The following SOX6 variants were observed in gnomAD, a reference collection of about 807,000 sequenced individuals.
SOX6 encodes transcription factor SOX-6.
SOX6 carries 11 observed loss-of-function variants against 97.8 expected under a neutral mutation model. The ratio of observed to expected loss-of-function variants is 0.11; its 90% CI spans 0.07 to 0.19. The LOEUF (loss-of-function observed/expected upper bound fraction) is 0.19, where lower values mean the gene tolerates loss of function less well. Ranked by LOEUF, SOX6 falls within the 10% of genes least tolerant of loss-of-function variation. The probability of loss-of-function intolerance (pLI) is 1.00; values close to 1 mark genes in which losing one functional copy is unlikely to be tolerated. For missense variants in SOX6, 810 were observed against 1,039.5 expected, an observed-to-expected ratio of 0.78 and a Z score of 3.04; for synonymous variants, 360 against 371.4, an observed-to-expected ratio of 0.97 and a Z score of 0.35.
intron 1 of SOX6, among the ~76,000 whole-genome samples, chr11:16,349,177 G>C (rs1856843107): frequency 6.6e-6 from 1 of 152,112 alleles, no homozygotes; most frequent in Admixed American, 6.6e-5. Flanking sequence ...TCTTAGAAAA[G>C]TGATTTTATT....
At chr11:16,199,382 C>T (rs1851872789) in intron 4 of SOX6, among the ~76,000 whole-genome samples, 1 of 152,082 alleles carries the variant, frequency 6.6e-6, no homozygotes, top group Non-Finnish European at 1.5e-5. Context: ...TTCTCTACTG[C>T]AACAAACTTG....
chr11:16,734,344 GCTTCTAAATGGGCTT>G (rs1188605359), intron 2 of SOX6, among the ~76,000 whole-genome samples: 1 of 152,106 alleles, frequency 6.6e-6, no homozygotes. Context: ...TTTAAAATCA[GCTTCTAAATGGGCTT>G]CATCTCATAG....
At chr11:16,731,201 C>A (rs1424564109) in intron 2 of SOX6, among the ~76,000 whole-genome samples, 1 of 150,954 alleles carries the variant, frequency 6.6e-6, no homozygotes, top group Non-Finnish European at 1.5e-5. Context: ...CCTTCCGAAA[C>A]TATTCCAAAT....
intron 4 of SOX6, among the ~76,000 whole-genome samples, chr11:16,486,229 G>A (rs1174633309): frequency 2.0e-5 from 3 of 151,868 alleles, no homozygotes; most frequent in African/African-American, 7.3e-5. Context: ...ATAAACAGAA[G>A]GCAGCAAGAC....
At chr11:16,213,374 A>G (rs754346502) in intron 4 of SOX6, among the ~76,000 whole-genome samples, 30 of 152,016 alleles carry the variant, frequency 2.0e-4, no homozygotes, top group Non-Finnish European at 4.1e-4. Flanking sequence ...TGTCTGCCGC[A>G]CCCTGTCTTT....
At chr11:16,537,985 G>T (rs1369114342) in intron 4 of SOX6, among the ~76,000 whole-genome samples, 1 of 152,118 alleles carries the variant, frequency 6.6e-6, no homozygotes, top group Non-Finnish European at 1.5e-5. Flanking sequence ...ACACCACAAT[G>T]ATACTCCTCA....
intron 1 of SOX6, among the ~76,000 whole-genome samples, chr11:16,456,518 T>A (rs1376127387): frequency 6.6e-6 from 1 of 152,070 alleles, no homozygotes; most frequent in Non-Finnish European, 1.5e-5. Context: ...CAGTCTGTAG[T>A]GAAAGGAGCA....
At chr11:16,711,692 CT>C (rs927253835) in intron 3 of SOX6, among the ~76,000 whole-genome samples, 11 of 151,612 alleles carry the variant, frequency 7.3e-5, no homozygotes, top group African/African-American at 2.2e-4. Flanking sequence ...GATCATCTTT[CT>C]TTTTTTTTCT....
intron 1 of SOX6, among the ~76,000 whole-genome samples, chr11:16,457,858 G>C (rs564118925): frequency 1.3e-5 from 2 of 152,094 alleles, no homozygotes; most frequent in Non-Finnish European, 2.9e-5. Flanking sequence ...ATTGCATTTT[G>C]TAATGTTACC....
chr11:16,187,411 A>G (rs916769989), intron 4 of SOX6, among the ~76,000 whole-genome samples: 6 of 152,290 alleles, frequency 3.9e-5, no homozygotes, highest in Non-Finnish European at 8.8e-5. Flanking sequence ...TCTGATCCTT[A>G]CCCTCACAAA....
At chr11:16,081,342 T>C (rs1848468820) in intron 9 of SOX6, among the ~76,000 whole-genome samples, 1 of 152,114 alleles carries the variant, frequency 6.6e-6, no homozygotes, top group Non-Finnish European at 1.5e-5. Context: ...AAATCACCCT[T>C]GGCTCTTCAT....
In SOX6 at chr11:16,341,262, A is replaced by G. The variant is rs753332871; in HGVS notation, c.-4-10T>C. ...CTTGGAAGACATTCTTCTGCAGAAA[A>G]AAAACAGAACGGATTAAAAATGGCT... is the stretch of plus-strand genomic sequence containing the variant. On this transcript the variant is annotated splice_polypyrimidine_tract_variant and intron_variant, in intron 1 of 15. Transcript: ENST00000683767. 2 of 1,612,650 alleles carry G rather than the reference A, an allele frequency of 1.2e-6. No individual in the cohort carries two copies. Among genetic ancestry groups the G allele is most frequent in the South Asian group, 2.2e-5 (2 of 91,046 alleles).
chr11:16,565,709 T>TAAAA (rs1365268315), intron 4 of SOX6, among the ~76,000 whole-genome samples: 1 of 6,222 alleles, frequency 1.6e-4, no homozygotes, highest in African/African-American at 6.3e-4. Flanking sequence ...AATAAAAAAA[T>TAAAA]AAATAAATAA....
Position 16,588,063 on chromosome 11 carries a change from G to A in SOX6, n.609+24018C>T, listed in dbSNP as rs139376347. On this transcript the variant is annotated intron_variant and non_coding_transcript_variant, in intron 4 of 5. Transcript: ENST00000524520. ...AAATATACTCTATGAAAAGCTGTATGGAAAAGTGAAGGGAAGCAGCTAGAA... is the reference window on the plus strand; with the variant it reads ...AAATATACTCTATGAAAAGCTGTATAGAAAAGTGAAGGGAAGCAGCTAGAA... Among the ~76,000 whole-genome samples the A allele has an allele frequency of 7.0e-3, 1,060 of 152,288 alleles. 9 individuals are homozygous for A. Among genetic ancestry groups the A allele is most frequent in the African/African-American group, 0.024 (1,015 of 41,554 alleles).
At chr11:16,519,581 AT>A (rs1861025164) in intron 4 of SOX6, among the ~76,000 whole-genome samples, 1 of 151,954 alleles carries the variant, frequency 6.6e-6, no homozygotes, top group African/African-American at 2.4e-5. Flanking sequence ...TATACACCAC[AT>A]TTTCTTTATC....
intron 3 of SOX6, among the ~76,000 whole-genome samples, chr11:16,654,828 T>A (rs1847701360): frequency 6.6e-6 from 1 of 152,182 alleles, no homozygotes; most frequent in Non-Finnish European, 1.5e-5. Flanking sequence ...ATTCTTCAGT[T>A]TTACTATGAT....
intron 12 of SOX6, among the ~76,000 whole-genome samples, chr11:16,026,336 C>T (rs977614175): frequency 2.0e-5 from 3 of 152,016 alleles, no homozygotes; most frequent in Non-Finnish European, 4.4e-5. Context: ...GCATGGTCAC[C>T]CTTAGCCAAA....
chr11:16,647,483 G>C (rs754882909), intron 3 of SOX6, among the ~76,000 whole-genome samples: 1 of 152,096 alleles, frequency 6.6e-6, no homozygotes, highest in Non-Finnish European at 1.5e-5. Context: ...TGGAGAAGCG[G>C]GAAAGATGGC....
chr11:16,626,135 T>C (rs780859841), intron 3 of SOX6, among the ~76,000 whole-genome samples: 13 of 152,184 alleles, frequency 8.5e-5, no homozygotes, highest in Non-Finnish European at 1.8e-4. Context: ...CAATGTCTGC[T>C]GAAAAGTGGA....
Sources: allele counts gnomAD v4.1 joint callset (sites outside exome capture counted in the v4.1 genomes callset), GRCh38; gene constraint gnomAD v4.1.1; transcripts MANE v1.5; gene names NCBI Gene and HGNC (gene_info 2026-07-23, HGNC 2026-07-21).